Variants in STAG1 observed in about 807,000 individuals in gnomAD.
STAG1 encodes the protein cohesin subunit SA-1.
STAG1 carries 26 observed loss-of-function variants against 170.9 expected under a neutral mutation model. The observed-to-expected ratio is 0.15, with a 90% CI of 0.11 to 0.21. STAG1 has a LOEUF of 0.21. Ranked by LOEUF, STAG1 falls within the 10% of genes least tolerant of loss-of-function variation. The pLI, the probability that STAG1 is intolerant of heterozygous loss-of-function variation, is 1.00. For synonymous variants in STAG1, 514 were observed against 497.7 expected, an observed-to-expected ratio of 1.03 and a Z score of -0.44; for missense variants, 964 against 1,509.5, an observed-to-expected ratio of 0.64 and a Z score of 5.99.
intron 1 of STAG1, among the ~76,000 whole-genome samples, chr3:136,665,433 G>A (rs961506153): frequency 6.6e-6 from 1 of 152,064 alleles, no homozygotes; most frequent in Non-Finnish European, 1.5e-5. Flanking sequence ...TTTAAAATAA[G>A]GCAGTTATCC....
intron 2 of STAG1, among the ~76,000 whole-genome samples, chr3:136,623,569 TTTTTA>T (rs1939960139): frequency 6.6e-6 from 1 of 152,176 alleles, no homozygotes; most frequent in Non-Finnish European, 1.5e-5. Context: ...CTTAGGAATA[TTTTTA>T]TTTATTTTGT....
At chr3:136,355,041 G>A (rs568632812) in intron 28 of STAG1, among the ~76,000 whole-genome samples, 1 of 152,052 alleles carries the variant, frequency 6.6e-6, no homozygotes, top group East Asian at 1.9e-4. Flanking sequence ...AACTGGTCAG[G>A]AAGATGTAAC....
chr3:136,740,848 TA>T (rs761062622), intron 1 of STAG1, among the ~76,000 whole-genome samples: 193 of 152,326 alleles, frequency 1.3e-3, no homozygotes, highest in Non-Finnish European at 1.5e-3. Context: ...TACGAGTATG[TA>T]ATCTAATTTG....
intron 5 of STAG1, among the ~76,000 whole-genome samples, chr3:136,551,428 ATTTTTT>A (rs57299539): frequency 8.5e-6 from 1 of 117,508 alleles, no homozygotes; most frequent in Non-Finnish European, 1.7e-5. Flanking sequence ...CATCTGGCTA[ATTTTTT>A]TTTTTTTTTG....
intron 13 of STAG1, among the ~76,000 whole-genome samples, chr3:136,453,211 T>C (rs1270580503): frequency 1.1e-4 from 17 of 152,164 alleles, no homozygotes; most frequent in Admixed American, 1.1e-3. Context: ...TAATAAAATA[T>C]CATGTAGTAA....
At position 136,558,645 on chromosome 3, in the gene STAG1, A is replaced by C. The variant is rs187138696; in HGVS notation, c.394+10120T>G. On this transcript the variant is annotated intron_variant, in intron 5 of 33. Transcript: ENST00000383202. ...TACTATCTATGAGCAAAATATGTGAAGCCATCAGAATTCTGTGACATCACC... is the reference window on the plus strand; with the variant it reads ...TACTATCTATGAGCAAAATATGTGACGCCATCAGAATTCTGTGACATCACC... Among the ~76,000 whole-genome samples the C allele has an allele frequency of 1.2e-3, 180 of 152,370 alleles. 4 individuals are homozygous for C. The highest frequency in any genetic ancestry group is 0.011 in the Admixed American group (162 of 15,310).
At chr3:136,513,371 G>C (rs1386819093) in intron 7 of STAG1, among the ~76,000 whole-genome samples, 1 of 151,618 alleles carries the variant, frequency 6.6e-6, no homozygotes, top group East Asian at 1.9e-4. Context: ...AAAAAAGGAA[G>C]ACTTGGAAAA....
At chr3:136,408,767 G>A (rs1488957717) in intron 21 of STAG1, among the ~76,000 whole-genome samples, 1 of 152,058 alleles carries the variant, frequency 6.6e-6, no homozygotes, top group African/African-American at 2.4e-5. Context: ...TGAAGAAAAG[G>A]GAGGCATTAA....
chr3:136,566,392 C>G (rs1309369515), intron 5 of STAG1, among the ~76,000 whole-genome samples: 1 of 152,188 alleles, frequency 6.6e-6, no homozygotes, highest in Non-Finnish European at 1.5e-5. Context: ...AGACTTCCAG[C>G]CTCCAGACTT....
intron 29 of STAG1, among the ~76,000 whole-genome samples, chr3:136,344,385 AAGGGCCTATTTCCTGGGCCTCGT>A (rs1359302656): frequency 1.3e-5 from 2 of 152,082 alleles, no homozygotes; most frequent in African/African-American, 2.4e-5. Context: ...TCAAGCAATA[AAGGGCCTATTTCCTGGGCCTCGT>A]AGGGGTCCCA....
At chr3:136,714,555 C>T (rs146420799) in intron 1 of STAG1, among the ~76,000 whole-genome samples, 23 of 151,916 alleles carry the variant, frequency 1.5e-4, no homozygotes, top group African/African-American at 2.9e-4. Flanking sequence ...GATGAAACCC[C>T]GTCTCTACTA....
chr3:136,623,927 G>C (rs1016696139), intron 2 of STAG1, among the ~76,000 whole-genome samples: 2 of 151,864 alleles, frequency 1.3e-5, no homozygotes, highest in Non-Finnish European at 2.9e-5. Flanking sequence ...TCCAGCCTGG[G>C]CAACAGGGCA....
At chr3:136,683,412 C>T (rs1285980545) in intron 1 of STAG1, among the ~76,000 whole-genome samples, 2 of 152,030 alleles carry the variant, frequency 1.3e-5, no homozygotes, top group East Asian at 3.9e-4. Context: ...CACAGGTGCA[C>T]ACCAACACAC....
At chr3:136,662,041 G>A (rs1941600006) in intron 1 of STAG1, among the ~76,000 whole-genome samples, 1 of 152,066 alleles carries the variant, frequency 6.6e-6, no homozygotes, top group South Asian at 2.1e-4. Context: ...CTAATAAGCT[G>A]ACGTTTCTCT....
chr3:136,422,357 T>C (rs2087983508), intron 19 of STAG1, 53 bp downstream of exon 19: 1 of 1,514,474 alleles, frequency 6.6e-7, no homozygotes, highest in African/African-American at 1.4e-5. Context: ...TCAGCTATCT[T>C]AAGTAATTCT....
Position 136,393,371 on chromosome 3 carries a change from G to C in STAG1, c.2277+5378C>G, listed in dbSNP as rs182415668. ...AATACAAAAATTAGCCGGACATGGT[G>C]GTGGGTGACTGTAATCCCAGCTACT... On this transcript the variant is annotated intron_variant, in intron 22 of 33. Transcript: ENST00000383202. Among the ~76,000 whole-genome samples the C allele has an allele frequency of 2.9e-4, 44 of 152,178 alleles. 1 individual carries two copies. Among genetic ancestry groups the C allele is most frequent in the African/African-American group, 1.0e-3 (43 of 41,520 alleles).
At chr3:136,601,009 T>G (rs916689342) in intron 4 of STAG1, among the ~76,000 whole-genome samples, 1 of 151,728 alleles carries the variant, frequency 6.6e-6, no homozygotes, top group Non-Finnish European at 1.5e-5. Context: ...TCCTTGAAAT[T>G]AGCACCACAT....
chr3:136,603,431 T>C (rs1334572740), intron 4 of STAG1, among the ~76,000 whole-genome samples: 8 of 152,070 alleles, frequency 5.3e-5, no homozygotes. Context: ...ATGTTAAAAA[T>C]GTAGAGACGA....
At chr3:136,647,696 CA>C (rs2107852648) in intron 1 of STAG1, among the ~76,000 whole-genome samples, 1 of 152,278 alleles carries the variant, frequency 6.6e-6, no homozygotes, top group Non-Finnish European at 1.5e-5. Flanking sequence ...GCTAAGTCTA[CA>C]AACCACCCAA....
Sources: gnomAD v4.1 joint callset for allele counts (sites outside exome capture counted in the v4.1 genomes callset) on GRCh38, gnomAD v4.1.1 for gene constraint, MANE v1.5 for transcripts, NCBI Gene and HGNC (gene_info 2026-07-23, HGNC 2026-07-21) for gene names.